Variants in CALN1 observed in about 807,000 individuals in gnomAD.
CALN1 encodes calneuron 1, also known as calcium-binding protein 8.
Under a neutral mutation model 30.6 loss-of-function variants are expected in CALN1, and 17 were observed. The observed-to-expected ratio is 0.56, with a 90% CI of 0.38 to 0.83. The LOEUF is 0.83. Ranked by LOEUF, CALN1 falls within the 40% of genes least tolerant of loss-of-function variation. CALN1 has a pLI of 0.00. For missense variants in CALN1, 291 were observed against 354.9 expected (o/e 0.82, Z 1.45); for synonymous variants, 156 against 131.4 (o/e 1.19, Z -1.28).
intron 5 of CALN1, among the ~76,000 whole-genome samples, chr7:71,927,989 T>C (rs1189155830): frequency 6.6e-6 from 1 of 152,176 alleles, no homozygotes; most frequent in East Asian, 1.9e-4. Context: ...TTTACCTGTG[T>C]CCTAGTGACC....
chr7:72,027,984 G>A (rs1450265969), intron 4 of CALN1, among the ~76,000 whole-genome samples: 10 of 149,836 alleles, frequency 6.7e-5, no homozygotes, highest in African/African-American at 1.7e-4. Context: ...GCGTGAACCC[G>A]GGAGGCGGAG....
intron 2 of CALN1, among the ~76,000 whole-genome samples, chr7:72,312,215 CCAA>C (rs1389497567): frequency 2.6e-5 from 4 of 151,990 alleles, no homozygotes; most frequent in African/African-American, 9.7e-5. Context: ...ACCAGCCTAG[CCAA>C]CATGGTGAAA....
At chr7:72,304,947 G>C (rs1400978123) in intron 2 of CALN1, among the ~76,000 whole-genome samples, 2 of 152,212 alleles carry the variant, frequency 1.3e-5, no homozygotes, top group Non-Finnish European at 2.9e-5. Context: ...GAAAGAGCCT[G>C]GCTGGAATTT....
Position 71,846,639 on chromosome 7 carries a change from T to C in CALN1, c.502-36147A>G, listed in dbSNP as rs181838719. 2.6e-5 allele frequency among the ~76,000 whole-genome samples: 4 copies of C among 151,558 alleles called. No individual in the cohort carries two copies. The East Asian group carries it at 5.8e-4, about 22-fold the overall frequency. On this transcript the variant is annotated intron_variant, in intron 5 of 6. Transcript: ENST00000395275. ...CTTCTACAGGGTAACCCTCCTTCTA[T>C]TGTGCAGAAATTTTCTGTGCAATAT...
chr7:72,396,248 A>AG (rs1258371427), intron 2 of CALN1, among the ~76,000 whole-genome samples: 2 of 67,556 alleles, frequency 3.0e-5, no homozygotes, highest in African/African-American at 2.1e-4. Flanking sequence ...AAAAAAAAAA[A>AG]AAAAAAAAAG....
At chr7:72,407,959 G>C (rs1032579085) in intron 1 of CALN1, among the ~76,000 whole-genome samples, 1 of 152,148 alleles carries the variant, frequency 6.6e-6, no homozygotes, top group Non-Finnish European at 1.5e-5. Flanking sequence ...GCTTGTTCCT[G>C]AGAGTATCCA....
Position 72,318,704 on chromosome 7 carries a change from C to CTTTTT in CALN1, c.120-39899_120-39895dup, listed in dbSNP as rs71069057. ...CACAGGCATGCACCACCATGTGTAG[C>CTTTTT]TTTTTTTTTTTTTTTTTTTTTTTTT... On this transcript the variant is annotated intron_variant, in intron 2 of 6. Coordinates refer to ENST00000395275, the MANE Select transcript of CALN1 (RefSeq NM_031468.4). Among the ~76,000 whole-genome samples, 31 of 72,020 alleles carry CTTTTT rather than the reference C, an allele frequency of 4.3e-4. 3 individuals carry two copies. The highest frequency in any genetic ancestry group is 1.4e-3 in the African/African-American group (21 of 15,228). The allele number at this position is 72,020 out of a possible 152,430, so 47.2% of individuals were successfully genotyped here. A position where few individuals can be genotyped will look rare whatever the true frequency, so the allele number is the denominator to read the frequency against.
intron 2 of CALN1, among the ~76,000 whole-genome samples, chr7:72,345,777 AT>A (rs916348952): frequency 7.9e-5 from 12 of 152,344 alleles, no homozygotes; most frequent in African/African-American, 2.6e-4. Context: ...TCGGCCTTAA[AT>A]TATCTCAATA....
At chr7:72,186,286 T>C (rs1188294053) in intron 3 of CALN1, among the ~76,000 whole-genome samples, 1 of 151,998 alleles carries the variant, frequency 6.6e-6, no homozygotes, top group Non-Finnish European at 1.5e-5. Context: ...ACAGCAGCAA[T>C]AGGAACCGAA....
At chr7:72,340,394 C>CT (rs1802326000) in intron 2 of CALN1, among the ~76,000 whole-genome samples, 1 of 151,674 alleles carries the variant, frequency 6.6e-6, no homozygotes, top group Admixed American at 6.6e-5. Context: ...CAGATGTCTG[C>CT]TTTTTTAAGT....
At chr7:72,048,370 G>GT (rs1367996804) in intron 4 of CALN1, among the ~76,000 whole-genome samples, 3 of 151,912 alleles carry the variant, frequency 2.0e-5, no homozygotes, top group Admixed American at 6.6e-5. Flanking sequence ...TTTTCAATTT[G>GT]TTTTTTGGGT....
intron 4 of CALN1, among the ~76,000 whole-genome samples, chr7:72,105,749 G>A (rs1807045073): frequency 7.0e-6 from 1 of 142,986 alleles, no homozygotes; most frequent in Non-Finnish European, 1.5e-5. Flanking sequence ...AGGAAGAGGG[G>A]CAGGGAGAAG....
At chr7:72,099,186 A>G (rs1806464026) in intron 4 of CALN1, among the ~76,000 whole-genome samples, 1 of 151,476 alleles carries the variant, frequency 6.6e-6, no homozygotes, top group Non-Finnish European at 1.5e-5. Flanking sequence ...CACCACTGCC[A>G]TCCTGCCTGC....
intron 2 of CALN1, among the ~76,000 whole-genome samples, chr7:72,280,197 A>G (rs188493188): frequency 6.6e-6 from 1 of 152,306 alleles, no homozygotes; most frequent in African/African-American, 2.4e-5. Flanking sequence ...TGGTTTCTCT[A>G]TTTCTATCAA....
upstream of CALN1, among the ~76,000 whole-genome samples, chr7:72,451,229 G>GGAA (rs1562973725): frequency 1.0e-4 from 14 of 135,796 alleles, 1 homozygote; most frequent in African/African-American, 4.1e-4. Flanking sequence ...AGGAGGAGGA[G>GGAA]GAGGAGAAGG....
At position 71,824,022 on chromosome 7, in the gene CALN1, G is replaced by A. The variant is rs6979631; in HGVS notation, c.502-13530C>T. Among the ~76,000 whole-genome samples the A allele has an allele frequency of 7.5e-3, 1,136 of 152,132 alleles. 12 individuals carry two copies. Among genetic ancestry groups the A allele is most frequent in the African/African-American group, 0.023 (961 of 41,512 alleles). On this transcript the variant is annotated intron_variant, in intron 5 of 6. Transcript: ENST00000395275. Reference sequence around the variant, plus strand: ...TCCCATCAGCTCCCTCCCATGACACGTGGGAATTGTGGGAGCTACAATTCA... The same window carrying A: ...TCCCATCAGCTCCCTCCCATGACACATGGGAATTGTGGGAGCTACAATTCA...
intron 4 of CALN1, among the ~76,000 whole-genome samples, chr7:72,085,391 C>CT (rs1056135629): frequency 3.0e-4 from 45 of 152,158 alleles, no homozygotes; most frequent in Admixed American, 1.3e-3. Context: ...CATTCACATC[C>CT]TTTTTTTACA....
chr7:71,880,482 C>A (rs2116808084), intron 5 of CALN1, among the ~76,000 whole-genome samples: 1 of 152,248 alleles, frequency 6.6e-6, no homozygotes, highest in South Asian at 2.1e-4. Flanking sequence ...CTTCCCCTCT[C>A]TTGCCTTTTC....
intron 4 of CALN1, among the ~76,000 whole-genome samples, chr7:72,063,184 G>C (rs961101238): frequency 5.3e-5 from 8 of 152,072 alleles, no homozygotes; most frequent in African/African-American, 1.9e-4. Flanking sequence ...ACATGTATAT[G>C]AATTTACACG....
Sources: allele counts gnomAD v4.1 joint callset (sites outside exome capture counted in the v4.1 genomes callset), GRCh38; gene constraint gnomAD v4.1.1; transcripts MANE v1.5; gene names NCBI Gene and HGNC (gene_info 2026-07-23, HGNC 2026-07-21).